HERC2: variants seen among roughly 807,000 people sequenced by gnomAD.
HERC2 encodes the protein E3 ubiquitin-protein ligase HERC2.
In HERC2, 102 loss-of-function variants were observed where a neutral mutation model predicts 537.7. That is an observed-to-expected ratio of 0.19 (90% CI 0.16 to 0.22). The LOEUF (loss-of-function observed/expected upper bound fraction) is 0.22, where lower values mean the gene tolerates loss of function less well. Among genes scored for constraint, HERC2 ranks in the 10% least tolerant of loss-of-function variants. The pLI is 1.00. For synonymous variants in HERC2, 2,224 were observed against 2,466.2 expected, an observed-to-expected ratio of 0.90 and a Z score of 2.91; for missense variants, 4,236 against 6,198.2, an observed-to-expected ratio of 0.68 and a Z score of 10.63.
intron 26 of HERC2, among the ~76,000 whole-genome samples, chr15:28,236,084 G>A (rs1902411146): frequency 6.6e-6 from 1 of 152,098 alleles, no homozygotes; most frequent in African/African-American, 2.4e-5. Flanking sequence ...GGCATGCAGG[G>A]AGACAAAAGC....
intron 26 of HERC2, among the ~76,000 whole-genome samples, chr15:28,236,752 T>C (rs1488590785): frequency 2.6e-5 from 4 of 151,970 alleles, no homozygotes; most frequent in African/African-American, 9.7e-5. Flanking sequence ...CATGCCTGGC[T>C]AATTTTTGTG....
chr15:28,298,036 T>TGTGA lies in HERC2; in HGVS notation c.187+1362_187+1365dup, dbSNP rs1555455880. ...GTGTGTGTGTGTGTGTGTGTGTGTG[T>TGTGA]GTGAATATTTTCAAACAAATATAAA... On this transcript the variant is annotated intron_variant, in intron 3 of 92. Transcript: ENST00000261609. 2.1e-3 allele frequency among the ~76,000 whole-genome samples: 281 copies of TGTGA among 131,570 alleles called. 4 individuals carry two copies. Among genetic ancestry groups the TGTGA allele is most frequent in the South Asian group, 0.017 (64 of 3,850 alleles). 86.3% of individuals were successfully genotyped at this position (131,570 alleles called of 152,430 possible). A position where few individuals can be genotyped will look rare whatever the true frequency, so the allele number is the denominator to read the frequency against.
chr15:28,257,973 C>T (rs996321933), intron 16 of HERC2, among the ~76,000 whole-genome samples: 1 of 151,910 alleles, frequency 6.6e-6, no homozygotes, highest in Non-Finnish European at 1.5e-5. Flanking sequence ...CGTGAGCCAC[C>T]GCACCTGGCC....
chr15:28,316,085 T>G (rs544275892), intron 2 of HERC2: 26 of 340,846 alleles, frequency 7.6e-5, no homozygotes, highest in Non-Finnish European at 1.3e-4. Context: ...TATCTGGGTG[T>G]GGTGGTGCAC....
intron 65 of HERC2, among the ~76,000 whole-genome samples, chr15:28,171,151 C>T (rs1388065051): frequency 6.6e-6 from 1 of 152,174 alleles, no homozygotes; most frequent in African/African-American, 2.4e-5. Context: ...AACTTATTTT[C>T]ACGTAAAGTA....
chr15:28,227,080 G>C (rs1022083355), intron 35 of HERC2, among the ~76,000 whole-genome samples: 2 of 152,178 alleles, frequency 1.3e-5, no homozygotes, highest in Non-Finnish European at 2.9e-5. Context: ...TTCCAGACCA[G>C]CCTGGCCAAC....
chr15:28,176,280 A>G lies in HERC2; in HGVS notation c.9686+148T>C, dbSNP rs1462829528. The G allele has an allele frequency of 4.0e-5, 26 of 649,824 alleles. No homozygotes were observed. Among genetic ancestry groups the G allele is most frequent in the Non-Finnish European group, 6.0e-5 (23 of 380,590 alleles). The allele number at this position is 649,824 out of a possible 1,614,324, so 40.3% of individuals were successfully genotyped here. Reference sequence around the variant, plus strand: ...TCTTGTACTATTGTCACTAATCCCAACTCAATATCCTTTAAAGGACAAAGA... The same window carrying G: ...TCTTGTACTATTGTCACTAATCCCAGCTCAATATCCTTTAAAGGACAAAGA... On this transcript the variant is annotated intron_variant, in intron 63 of 92. Coordinates refer to ENST00000261609, the MANE Select transcript of HERC2 (RefSeq NM_004667.6). The surrounding 1 kb of genome is among the most constrained non-coding windows in gnomAD (Gnocchi z 5.0).
intron 89 of HERC2, 73 bp downstream of exon 89, chr15:28,115,356 G>A: frequency 1.0e-6 from 1 of 996,386 alleles, no homozygotes; most frequent in Non-Finnish European, 1.5e-6. Flanking sequence ...TTCACAGCCT[G>A]ACCGGACCCG....
chr15:28,263,670 A>G (rs890602847), intron 14 of HERC2, among the ~76,000 whole-genome samples: 3 of 152,212 alleles, frequency 2.0e-5, no homozygotes, highest in African/African-American at 4.8e-5. Flanking sequence ...GCAAAAGTAA[A>G]TATTTTTATT....
intron 20 of HERC2, among the ~76,000 whole-genome samples, chr15:28,252,324 C>T (rs1485756114): frequency 5.3e-5 from 8 of 151,882 alleles, no homozygotes; most frequent in African/African-American, 1.2e-4. Flanking sequence ...ACGGGGAAAA[C>T]GGGCACTGCC....
chr15:28,212,120 G>T (rs1337454963), intron 43 of HERC2, among the ~76,000 whole-genome samples: 1 of 152,174 alleles, frequency 6.6e-6, no homozygotes, highest in African/African-American at 2.4e-5. Flanking sequence ...CCAACAGGGT[G>T]ACTGGGCCAC....
chr15:28,111,819 C>T lies in HERC2; in HGVS notation c.14449G>A (p.Glu4817Lys). The T allele has an allele frequency of 1.2e-6, 2 of 1,614,166 alleles. No individual in the cohort carries two copies. The highest frequency in any genetic ancestry group is 1.7e-6 in the Non-Finnish European group (2 of 1,180,040). ...ADDSSDDSDNEDVDSFASDST... is the reference protein window; with the variant it reads ...ADDSSDDSDNKDVDSFASDST... ...TCCGAAGCAAAGGAGTCGACATCCT[C>T]GTTATCTGAATCGTCGCTGCTGTCG... is the stretch of plus-strand genomic sequence containing the variant. Residue 4817 changes from glutamate to lysine, a missense_variant, in exon 93 of 93, where the codon GAG (glutamate) becomes AAG (lysine). Glu to Lys is a moderately conservative substitution (Grantham distance 56). Transcript: ENST00000261609.
chr15:28,295,599 T>C (rs2076447412), intron 3 of HERC2, among the ~76,000 whole-genome samples: 1 of 152,120 alleles, frequency 6.6e-6, no homozygotes, highest in African/African-American at 2.4e-5. Flanking sequence ...GGTTTCACCA[T>C]GTTGGCCAGG....
chr15:28,148,001 C>T (rs1891941385), intron 70 of HERC2, among the ~76,000 whole-genome samples: 1 of 148,844 alleles, frequency 6.7e-6, no homozygotes, highest in Non-Finnish European at 1.5e-5. Flanking sequence ...CACACCACTG[C>T]ACTTCAGCCT....
chr15:28,144,139 T>G lies in HERC2; in HGVS notation c.11237A>C (p.Asn3746Thr), dbSNP rs1480398247. The G allele has an allele frequency of 6.2e-7, 1 of 1,614,180 alleles. No individual in the cohort carries two copies. Among genetic ancestry groups the G allele is most frequent in the South Asian group, 1.1e-5 (1 of 91,090 alleles). The change falls in exon 73 of 93, where the codon AAC becomes ACC. Residue 3746 changes from asparagine to threonine, a missense_variant. This residue lies in a region of HERC2 where 109 missense variants were observed against 133.5 expected (regional missense o/e 0.82). Transcript: ENST00000261609. The stretch of plus-strand genomic sequence containing the variant: ...CGCAAGGCGAGGGACGATGCTTCTG[T>G]TAGAGGCAAGGTTGAGTCGGAAGTC... ...LLDFRLNLAS[N>T]RSIVPRLAAS...
intron 7 of HERC2, 46 bp downstream of exon 7, chr15:28,274,245 C>T (rs770138296): frequency 6.2e-7 from 1 of 1,600,942 alleles, no homozygotes; most frequent in East Asian, 2.2e-5. Context: ...CAGCCTCAAG[C>T]AGGCCAGCTG....
chr15:28,192,275 T>C (rs2140274693), intron 52 of HERC2, 124 bp from the exon 53 acceptor site: 1 of 780,438 alleles, frequency 1.3e-6, no homozygotes, highest in Admixed American at 3.0e-5. Flanking sequence ...CTGAAAGGAG[T>C]TAATAAATGC....
At chr15:28,301,729 GTATGTGTATATATATATATATATATATA>G (rs2076632068) in intron 2 of HERC2, among the ~76,000 whole-genome samples, 2 of 37,908 alleles carry the variant, frequency 5.3e-5, no homozygotes, top group East Asian at 2.9e-3. Flanking sequence ...CTAGTTGTAT[GTATGTGTATATATATATATATATATATA>G]TATATATATA....
At chr15:28,145,839 G>A (rs1891675873) in intron 71 of HERC2, among the ~76,000 whole-genome samples, 1 of 152,176 alleles carries the variant, frequency 6.6e-6, no homozygotes. Context: ...CGGACATGTG[G>A]CTGCCTCCAC....
Sources: gnomAD v4.1 joint callset for allele counts (sites outside exome capture counted in the v4.1 genomes callset) on GRCh38, gnomAD v4.1.1 for gene constraint, gnomAD v4.1.1 regional missense constraint, Gnocchi (gnomAD v3.1) non-coding constraint, MANE v1.5 for transcripts, NCBI Gene and HGNC (gene_info 2026-07-23, HGNC 2026-07-21) for gene names.